Variants in CACNB4 observed in about 807,000 individuals in gnomAD.
CACNB4 encodes the protein voltage-dependent L-type calcium channel subunit beta-4.
CACNB4 carries 32 observed loss-of-function variants against 71.2 expected under a neutral mutation model. The ratio of observed to expected loss-of-function variants is 0.45; its 90% confidence interval spans 0.34 to 0.60. The LOEUF is 0.60. Among genes scored for constraint, CACNB4 ranks in the 20% least tolerant of loss-of-function variants. The pLI, the probability that CACNB4 is intolerant of heterozygous loss-of-function variation, is 0.01. For synonymous variants in CACNB4, 231 were observed against 236.9 expected (o/e 0.97, Z 0.23); for missense variants, 464 against 647.9 (o/e 0.72, Z 3.08).
chr2:151,870,132 T>C, intron 8 of CACNB4: 1 of 620,012 alleles, frequency 1.6e-6, no homozygotes, highest in South Asian at 1.9e-5. Flanking sequence ...GAACTCTGTT[T>C]GGGCTTTAAA....
At chr2:152,005,277 C>T (rs1579111727) in intron 2 of CACNB4, among the ~76,000 whole-genome samples, 1 of 152,316 alleles carries the variant, frequency 6.6e-6, no homozygotes, top group South Asian at 2.1e-4. Context: ...AACCTACATG[C>T]CCATCAGTGG....
chr2:151,848,273 G>C (rs541368316), intron 12 of CACNB4, among the ~76,000 whole-genome samples: 1 of 152,316 alleles, frequency 6.6e-6, no homozygotes, highest in African/African-American at 2.4e-5. Context: ...CCTTTGGGCT[G>C]AGAGAAATTG....
chr2:152,091,899 C>T (rs921823244), intron 2 of CACNB4, among the ~76,000 whole-genome samples: 2 of 152,200 alleles, frequency 1.3e-5, no homozygotes, highest in African/African-American at 4.8e-5. Context: ...TGGGAAGAAA[C>T]CACAGTCTCT....
chr2:152,050,662 G>A (rs1685377296), intron 2 of CACNB4, among the ~76,000 whole-genome samples: 1 of 152,098 alleles, frequency 6.6e-6, no homozygotes, highest in African/African-American at 2.4e-5. Flanking sequence ...GCTGCAGTGA[G>A]CCATGATTGT....
intron 2 of CACNB4, among the ~76,000 whole-genome samples, chr2:151,938,877 T>C (rs2099863562): frequency 6.6e-6 from 1 of 152,350 alleles, no homozygotes; most frequent in East Asian, 1.9e-4. Context: ...CGAACTGGCA[T>C]GGATTTCTGT....
In CACNB4 at chr2:151,837,273, C is replaced by A. The variant is rs1234044066; in HGVS notation, c.*1846G>T. The stretch of plus-strand genomic sequence containing the variant: ...TGTATCAAATATTTGAAATGACTTA[C>A]AGAATTATAGGTATCCTCATTATCA... On this transcript the variant is annotated 3_prime_UTR_variant, in exon 14 of 14. Transcript: ENST00000539935. The A allele has an allele frequency of 6.6e-6, 1 of 151,892 alleles. No individual in the cohort carries two copies. The highest frequency in any genetic ancestry group is 6.6e-5 in the Admixed American group (1 of 15,232). The allele number at this position is 151,892 out of a possible 1,614,324, so 9.4% of individuals were successfully genotyped here. A position where few individuals can be genotyped will look rare whatever the true frequency, so the allele number is the denominator to read the frequency against.
chr2:152,015,461 A>C (rs1372184682), intron 2 of CACNB4, among the ~76,000 whole-genome samples: 1 of 152,142 alleles, frequency 6.6e-6, no homozygotes, highest in African/African-American at 2.4e-5. Flanking sequence ...AAAATATATC[A>C]TCTGTAAGTT....
intron 2 of CACNB4, among the ~76,000 whole-genome samples, chr2:151,902,511 C>G (rs1042590423): frequency 2.0e-5 from 3 of 152,046 alleles, no homozygotes; most frequent in Admixed American, 2.0e-4. Flanking sequence ...GGGCTCTTCA[C>G]GATTATTAGA....
chr2:152,096,493 A>G (rs554043583), intron 2 of CACNB4, among the ~76,000 whole-genome samples: 31 of 152,320 alleles, frequency 2.0e-4, no homozygotes, highest in South Asian at 1.7e-3. Context: ...GAAAAAAGAA[A>G]AAAATTAAGT....
intron 2 of CACNB4, among the ~76,000 whole-genome samples, chr2:151,999,375 G>GT (rs1682266538): frequency 5.7e-5 from 2 of 35,126 alleles, no homozygotes; most frequent in Non-Finnish European, 1.9e-4. Context: ...GCCCTGTTAT[G>GT]GTTTTTTTTT....
At chr2:152,029,018 G>A (rs1238710295) in intron 2 of CACNB4, among the ~76,000 whole-genome samples, 1 of 152,192 alleles carries the variant, frequency 6.6e-6, no homozygotes, top group Non-Finnish European at 1.5e-5. Flanking sequence ...GTGTGTTGGT[G>A]ACATGGAAAC....
At chr2:151,906,969 T>A (rs190256615) in intron 2 of CACNB4, among the ~76,000 whole-genome samples, 93 of 152,374 alleles carry the variant, frequency 6.1e-4, no homozygotes, top group African/African-American at 2.1e-3. Context: ...ACATTTGTTA[T>A]CATTGCACTT....
intron 9 of CACNB4, among the ~76,000 whole-genome samples, chr2:151,861,934 A>G (rs1029239829): frequency 6.6e-6 from 1 of 152,138 alleles, no homozygotes; most frequent in Non-Finnish European, 1.5e-5. Context: ...AAATGAGAAT[A>G]TCTGCAACTT....
At chr2:151,868,693 T>C (rs1034676724) in intron 9 of CACNB4, 1 of 151,992 alleles carries the variant, frequency 6.6e-6, no homozygotes, top group African/African-American at 2.4e-5. Flanking sequence ...AATGATCACT[T>C]TGGGAGGCTT....
intron 2 of CACNB4, among the ~76,000 whole-genome samples, chr2:151,920,577 C>T (rs2099858739): frequency 6.6e-6 from 1 of 152,076 alleles, no homozygotes; most frequent in Non-Finnish European, 1.5e-5. Context: ...AATCCTCCCA[C>T]CTTGTCCTCC....
At chr2:152,034,395 G>A (rs556169349) in intron 2 of CACNB4, among the ~76,000 whole-genome samples, 1 of 152,146 alleles carries the variant, frequency 6.6e-6, no homozygotes, top group African/African-American at 2.4e-5. Flanking sequence ...ACAGGGCTCT[G>A]GTGAAGGGTG....
At chr2:152,087,481 T>C (rs1687727048) in intron 2 of CACNB4, among the ~76,000 whole-genome samples, 1 of 150,412 alleles carries the variant, frequency 6.6e-6, no homozygotes, top group Non-Finnish European at 1.5e-5. Flanking sequence ...TTCAGCTTTA[T>C]GAGCTGAGAC....
chr2:151,870,023 T>C (rs2099844191), intron 8 of CACNB4: 1 of 563,578 alleles, frequency 1.8e-6, no homozygotes, highest in South Asian at 2.6e-5. Context: ...CAAAGTTCAC[T>C]AATGTTTTTA....
intron 10 of CACNB4, chr2:151,859,861 T>C (rs1679718186): frequency 6.6e-6 from 1 of 152,252 alleles, no homozygotes; most frequent in Admixed American, 6.5e-5. Context: ...TAATGTGATG[T>C]TAGGGCATGC....
Sources: allele counts gnomAD v4.1 joint callset (sites outside exome capture counted in the v4.1 genomes callset), GRCh38; gene constraint gnomAD v4.1.1; transcripts MANE v1.5; gene names NCBI Gene and HGNC (gene_info 2026-07-23, HGNC 2026-07-21).